Variants in SACS observed in about 807,000 individuals in gnomAD.
The protein encoded by SACS is sacsin.
In SACS, 197 loss-of-function variants were observed where a neutral mutation model predicts 348.0. The ratio of observed to expected loss-of-function variants is 0.57; its 90% CI spans 0.50 to 0.64. SACS has a LOEUF of 0.64. SACS is among the 30% of genes least tolerant of loss of function. The pLI is 0.00. For synonymous variants in SACS, 1,985 were observed against 1,910.6 expected (o/e 1.04, Z -1.02); for missense variants, 4,999 against 5,360.8 (o/e 0.93, Z 2.11).
At chr13:23,369,754 C>T (rs1593156934) in intron 4 of SACS, among the ~76,000 whole-genome samples, 1 of 152,106 alleles carries the variant, frequency 6.6e-6, no homozygotes, top group Admixed American at 6.5e-5. Flanking sequence ...ACCGTGTTAG[C>T]CAGGATGGTC....
intron 1 of SACS, among the ~76,000 whole-genome samples, chr13:23,433,208 T>C (rs915142391): frequency 2.0e-5 from 3 of 152,152 alleles, no homozygotes; most frequent in African/African-American, 7.2e-5. Context: ...GACCCCACGC[T>C]GTGTTACTGC....
rs1870271522 is a variant in SACS at position 23,355,153 on chromosome 13, C to T, written c.1459G>A (p.Asp487Asn). ...AACTCATTCCATAAGGCTGCCGGGTCTCTCCACTGGTCCAGCTCTCTCCAT... is the reference window on the plus strand; with the variant it reads ...AACTCATTCCATAAGGCTGCCGGGTTTCTCCACTGGTCCAGCTCTCTCCAT... ...IKWRELDQWRDPAALWNEFLV... is the reference protein window; with the variant it reads ...IKWRELDQWRNPAALWNEFLV... Residue 487 changes from aspartate (D) to asparagine (N), a missense_variant, in exon 8 of 10, where the codon GAC becomes AAC. Asp to Asn is a conservative substitution (Grantham distance 23, BLOSUM62 1). This residue lies in a region of SACS where 3,156 missense variants were observed against 3,380.1 expected (regional missense o/e 0.93). Transcript: ENST00000382292. The T allele has an allele frequency of 1.7e-5, 27 of 1,614,084 alleles. No homozygotes were observed. Among genetic ancestry groups the T allele is most frequent in the Non-Finnish European group, 2.3e-5 (27 of 1,180,056 alleles).
chr13:23,387,171 G>A (rs1298963955), intron 2 of SACS, among the ~76,000 whole-genome samples: 1 of 151,944 alleles, frequency 6.6e-6, no homozygotes, highest in Non-Finnish European at 1.5e-5. Flanking sequence ...TGTTAAAAAC[G>A]AATGTCGGCC....
At position 23,336,037 on chromosome 13, in the gene SACS, C is replaced by T. The variant is rs2137596950; in HGVS notation, c.7839G>A (p.Glu2613=). 2 of 1,612,250 alleles carry T rather than the reference C, an allele frequency of 1.2e-6. No homozygotes were observed. Among genetic ancestry groups the T allele is most frequent in the South Asian group, 1.1e-5 (1 of 91,028 alleles). ...GIQNLGKGTK[E]GNPYKTGQYG... ...ACTGTCCAGTTTTATAAGGATTTCC[C>T]TCTTTCGTGCCTTTTCCAAGATTCT... is the stretch of plus-strand genomic sequence containing the variant. The change falls in exon 10 of 10, where the codon GAG becomes GAA. Residue 2613 remains glutamate (E), a synonymous_variant. Coordinates refer to ENST00000382292, the MANE Select transcript of SACS (RefSeq NM_014363.6).
chr13:23,414,692 T>C (rs1201629458), intron 1 of SACS, among the ~76,000 whole-genome samples: 1 of 152,232 alleles, frequency 6.6e-6, no homozygotes, highest in African/African-American at 2.4e-5. Context: ...ATGATACATT[T>C]ATTACAAAAA....
chr13:23,336,401 A>G lies in SACS; in HGVS notation c.7475T>C (p.Val2492Ala). 6.2e-7 allele frequency: 1 copy of G among 1,614,116 alleles called. No homozygotes were observed. The highest frequency in any genetic ancestry group is 8.5e-7 in the Non-Finnish European group (1 of 1,179,960). Residue 2492 changes from valine (V) to alanine (A), a missense_variant, in exon 10 of 10, where the codon GTA becomes GCA. Around this residue, in one of 6 missense-constraint regions of SACS, gnomAD observed 3,156 missense variants for 3,380.1 expected, o/e 0.93. Transcript: ENST00000382292. ...KYCHADIPRE[V>A]AVKLGAVPKR... ...TGGGACTGCTCCTAGTTTTACTGCT[A>G]CTTCCCTGGGTATGTCAGCATGACA... is the stretch of plus-strand genomic sequence containing the variant.
intron 1 of SACS, among the ~76,000 whole-genome samples, chr13:23,419,570 G>A (rs139508560): frequency 6.6e-6 from 1 of 152,230 alleles, no homozygotes; most frequent in Non-Finnish European, 1.5e-5. Flanking sequence ...GGATTTCTTG[G>A]TGTGCGTGGT....
chr13:23,388,158 A>G (rs1023357376), intron 2 of SACS, among the ~76,000 whole-genome samples: 2 of 152,076 alleles, frequency 1.3e-5, no homozygotes, highest in African/African-American at 2.4e-5. Flanking sequence ...TATGTTTATC[A>G]CAGCACAATT....
rs745444388 is a variant in SACS, at chr13:23,334,257, T to C, written c.9619A>G (p.Lys3207Glu). 13 of 1,612,564 alleles carry C rather than the reference T, an allele frequency of 8.1e-6. No individual in the cohort carries two copies. In the Admixed American group the frequency reaches 2.0e-4, roughly 25 times the overall value. Residue 3207 changes from lysine (K) to glutamate (E), a missense_variant, in exon 10 of 10, where the codon AAA (lysine) becomes GAA (glutamate). Lys to Glu is a moderately conservative substitution (Grantham distance 56). This residue lies in a region of SACS where 734 missense variants were observed against 694.0 expected (regional missense o/e 1.06). Transcript: ENST00000382292. ...GCAAAGCTGGAAATGTCAAACACTT[T>C]TGCAACTTTACAGTTCAATAAAATA... ...SNILLNCKVA[K>E]VFDISSFADL...
Position 23,331,267 on chromosome 13 carries a change from A to T in SACS, c.12609T>A (p.Tyr4203Ter). ...TTTCAACTTCTTGTACAATAATTGC[A>T]TATGTGTATGTTGGCTGGTATGATC... ...IYGSYQPTYT[Y>*]AIIVQEVERE... The change falls in exon 10 of 10, where the codon TAT becomes TAA. Residue 4203 changes from tyrosine (Y) to a stop codon, truncating the protein, a stop_gained. Coordinates refer to ENST00000382292, the MANE Select transcript of SACS (RefSeq NM_014363.6). LOFTEE classifies it high-confidence loss of function. 2 of 1,614,080 alleles carry T rather than the reference A, an allele frequency of 1.2e-6. No homozygotes were observed. The highest frequency in any genetic ancestry group is 2.2e-5 in the South Asian group (2 of 91,076).
chr13:23,391,583 G>T (rs1872528465), intron 2 of SACS, among the ~76,000 whole-genome samples: 1 of 152,094 alleles, frequency 6.6e-6, no homozygotes, highest in Non-Finnish European at 1.5e-5. Flanking sequence ...CGCCCTTCAA[G>T]GTTCAAGTAA....
At chr13:23,350,220 A>C (rs1869865806) in intron 9 of SACS, among the ~76,000 whole-genome samples, 1 of 152,222 alleles carries the variant, frequency 6.6e-6, no homozygotes, top group South Asian at 2.1e-4. Context: ...CGTCAGCCAG[A>C]CTATTTTAGT....
intron 2 of SACS, among the ~76,000 whole-genome samples, chr13:23,406,446 T>G (rs1873216300): frequency 6.6e-6 from 1 of 152,076 alleles, no homozygotes; most frequent in African/African-American, 2.4e-5. Flanking sequence ...GATTGATGGG[T>G]GCAGCAAACC....
chr13:23,387,387 G>T (rs1261728992), intron 2 of SACS, among the ~76,000 whole-genome samples: 1 of 151,444 alleles, frequency 6.6e-6, no homozygotes, highest in Non-Finnish European at 1.5e-5. Context: ...GCGTGAACCC[G>T]GGAGGCGGAG....
At chr13:23,407,233 C>T (rs912669970) in intron 2 of SACS, among the ~76,000 whole-genome samples, 2 of 152,196 alleles carry the variant, frequency 1.3e-5, no homozygotes, top group African/African-American at 2.4e-5. Flanking sequence ...GAGTCTTGCT[C>T]TGTTGTCCAG....
In SACS at chr13:23,358,501, G is replaced by A. The variant is rs569183386; in HGVS notation, c.458-20C>T. On this transcript the variant is annotated intron_variant, in intron 6 of 9. Coordinates refer to ENST00000382292, the MANE Select transcript of SACS (RefSeq NM_014363.6). Reference sequence around the variant, plus strand: ...CTGGCCCTAGGTGTGAAAATGCGCAGGCAGGAATTCAAAAAAGATACCAGG... The same window carrying A: ...CTGGCCCTAGGTGTGAAAATGCGCAAGCAGGAATTCAAAAAAGATACCAGG... The A allele has an allele frequency of 6.8e-6, 11 of 1,613,722 alleles. No homozygotes were observed. In the African/African-American group the frequency reaches 9.3e-5, roughly 14 times the overall value.
At position 23,338,972 on chromosome 13, in the gene SACS, G is replaced by A. The variant is rs1418650883; in HGVS notation, c.4904C>T (p.Ala1635Val). The A allele has an allele frequency of 2.5e-6, 4 of 1,613,850 alleles. No individual in the cohort carries two copies. The highest frequency in any genetic ancestry group is 3.3e-5 in the Admixed American group (2 of 60,016). ...FGCQLPLTVE[A>V]PYSYNGTLFR... ...AAGGGTTCCATTATAGCTGTAAGGT[G>A]CTTCTACAGTCAAAGGTAACTGACA... The change falls in exon 10 of 10, where the codon GCA becomes GTA. Residue 1635 changes from alanine (A) to valine (V), a missense_variant. Coordinates refer to ENST00000382292, the MANE Select transcript of SACS (RefSeq NM_014363.6).
intron 1 of SACS, among the ~76,000 whole-genome samples, chr13:23,426,385 A>AC (rs1566114925): frequency 2.0e-5 from 3 of 152,190 alleles, no homozygotes; most frequent in African/African-American, 7.2e-5. Context: ...CCACGCCTGT[A>AC]ATCCCAGCAC....
intron 1 of SACS, among the ~76,000 whole-genome samples, chr13:23,418,720 G>T (rs1266749385): frequency 6.6e-6 from 1 of 152,152 alleles, no homozygotes; most frequent in Non-Finnish European, 1.5e-5. Context: ...GGCCAGGGTG[G>T]TCTCAAACTC....
Sources: allele counts gnomAD v4.1 joint callset (sites outside exome capture counted in the v4.1 genomes callset), GRCh38; gene constraint gnomAD v4.1.1; regional missense constraint gnomAD v4.1.1; transcripts MANE v1.5; gene names NCBI Gene and HGNC (gene_info 2026-07-23, HGNC 2026-07-21).